MGAM: variants seen among roughly 807,000 people sequenced by gnomAD.
MGAM encodes the protein maltase-glucoamylase.
Under a neutral mutation model 358.8 loss-of-function variants are expected in MGAM, and 253 were observed. The ratio of observed to expected loss-of-function variants is 0.71; its 90% CI spans 0.64 to 0.78. The LOEUF is 0.78. Ranked by LOEUF, MGAM falls within the 30% of genes least tolerant of loss-of-function variation. MGAM has a pLI of 0.00. For synonymous variants in MGAM, 1,105 were observed against 1,227.1 expected (o/e 0.90, Z 2.08); for missense variants, 3,080 against 3,432.6 (o/e 0.90, Z 2.57).
At chr7:142,042,845 C>A (rs1454265590) in intron 21 of MGAM, among the ~76,000 whole-genome samples, 8,339 of 38,318 alleles carry the variant, frequency 0.22, 952 homozygotes, top group Non-Finnish European at 0.3. Flanking sequence ...ATTATATATA[C>A]ATATAATATC....
At chr7:142,020,719 A>C (rs764910477) in intron 4 of MGAM, among the ~76,000 whole-genome samples, 1 of 151,092 alleles carries the variant, frequency 6.6e-6, no homozygotes, top group South Asian at 2.1e-4. Flanking sequence ...CCTGCCTACA[A>C]AGTAGCTGGG....
At chr7:142,034,160 C>G in intron 14 of MGAM, 102 bp from the exon 15 acceptor site, 1 of 765,348 alleles carries the variant, frequency 1.3e-6, no homozygotes, top group African/African-American at 1.8e-5. Flanking sequence ...AGGATGCCCA[C>G]AAAAGTGCCT....
rs117653698 is a variant in MGAM, at chr7:142,085,835, C to T, written c.6510C>T (p.Asp2170=). ...DEMVAAQIPY[D]VQYSDIDYME... ...CAGCTCCCCATGTCCTCCCGCAGGA[C>T]GTGCAGTACTCAGACATCGACTACA... The change falls in exon 55 of 71, where the codon GAC becomes GAT. Residue 2170 remains aspartate, a splice_region_variant and synonymous_variant. Coordinates refer to ENST00000475668, the MANE Select transcript of MGAM (RefSeq NM_001365693.1). 20,670 of 1,538,638 alleles carry T rather than the reference C, an allele frequency of 0.013. 996 individuals carry two copies. The highest frequency in any genetic ancestry group is 0.014 in the Non-Finnish European group (16,035 of 1,116,684).
rs771156854 is a variant in MGAM, at chr7:142,093,486, TC to T, written c.7112del (p.Pro2371ArgfsTer26). ...GAGTCAGCAGATCCTCCCAGACGGC[TC>T]CCCGGTGCAGCACTACAATGTGCAC... is the stretch of plus-strand genomic sequence containing the variant. ...MESQQILPDGSPVQHYNVHNL... is the reference protein window; with the variant it reads ...MESQQILPDGXPVQHYNVHNL... On this transcript the variant is annotated frameshift_variant, in exon 60 of 71. Transcript: ENST00000475668. LOFTEE classifies it high-confidence loss of function. 81 of 1,521,132 alleles carry T rather than the reference TC, an allele frequency of 5.3e-5. 4 individuals carry two copies. In the African/African-American group the frequency reaches 1.0e-3, roughly 20 times the overall value. The allele number at this position is 1,521,132 out of a possible 1,614,324, so 94.2% of individuals were successfully genotyped here.
At chr7:142,043,786 GACATA>G (rs1809472188) in intron 21 of MGAM, among the ~76,000 whole-genome samples, 12 of 73,320 alleles carry the variant, frequency 1.6e-4, no homozygotes, top group South Asian at 4.2e-4. Flanking sequence ...ATACACATAC[GACATA>G]TAATATATAC....
At chr7:142,006,997 C>T (rs1360572612) in intron 2 of MGAM, among the ~76,000 whole-genome samples, 7 of 152,046 alleles carry the variant, frequency 4.6e-5, no homozygotes, top group African/African-American at 1.7e-4. Flanking sequence ...GGGGCATTGT[C>T]CCCATAAACT....
intron 21 of MGAM, among the ~76,000 whole-genome samples, chr7:142,047,103 C>G: frequency 6.6e-6 from 1 of 152,046 alleles, no homozygotes; most frequent in East Asian, 1.9e-4. Flanking sequence ...ACAAGAAGAG[C>G]AGGAAACTGG....
rs1811499663 is a variant in MGAM, at chr7:142,056,099, A to G, written c.3580+3A>G. On this transcript the variant is annotated splice_donor_region_variant and intron_variant, in intron 29 of 70. Transcript: ENST00000475668. Reference sequence around the variant, plus strand: ...CCTGCTGAACAGCAATGCCATGGGTAAGGCCATCAGCACCTCCCTTATTTT... The same window carrying G: ...CCTGCTGAACAGCAATGCCATGGGTGAGGCCATCAGCACCTCCCTTATTTT... The G allele has an allele frequency of 5.0e-6, 8 of 1,599,450 alleles. No homozygotes were observed. Among genetic ancestry groups the G allele is most frequent in the Non-Finnish European group, 6.8e-6 (8 of 1,172,904 alleles).
rs370699389 is a variant in MGAM at position 142,032,943 on chromosome 7, A to G, written c.1669+34A>G. 7.1e-6 allele frequency: 10 copies of G among 1,404,566 alleles called. No homozygotes were observed. The East Asian group carries it at 1.2e-4, about 16-fold the overall frequency. The allele number at this position is 1,404,566 out of a possible 1,614,324, so 87.0% of individuals were successfully genotyped here. ...TGGTGGTCAGCAGATTAAAGTAGCC[A>G]TATGTATTTCATATTATAAATTCAT... is the stretch of plus-strand genomic sequence containing the variant. On this transcript the variant is annotated intron_variant, in intron 14 of 70. Transcript: ENST00000475668.
chr7:142,060,370 G>A lies in MGAM; in HGVS notation c.4119G>A (p.Val1373=). 6.2e-7 allele frequency: 1 copy of A among 1,614,036 alleles called. No individual in the cohort carries two copies. Among genetic ancestry groups the A allele is most frequent in the South Asian group, 1.1e-5 (1 of 91,072 alleles). ...VNGSLDWDSQ[V]ELYRAYVAFP... ...GGTCTCTAGACTGGGACAGCCAAGT[G>A]GAGGTAAAAGGGTGTTTGTAAATTT... The change falls in exon 34 of 71, where the codon GTG becomes GTA. Residue 1373 remains valine, a synonymous_variant. Coordinates refer to ENST00000475668, the MANE Select transcript of MGAM (RefSeq NM_001365693.1).
intron 46 of MGAM, 185 bp from the exon 47 acceptor site, chr7:142,076,474 G>C: frequency 1.2e-6 from 1 of 861,650 alleles, no homozygotes; most frequent in Non-Finnish European, 1.9e-6. Context: ...GTGTTTTTAT[G>C]ATTGTATCAA....
chr7:142,013,231 C>A (rs1160839880), intron 3 of MGAM, among the ~76,000 whole-genome samples: 1 of 151,912 alleles, frequency 6.6e-6, no homozygotes, highest in Non-Finnish European at 1.5e-5. Context: ...TTAGAGGAGT[C>A]AGCACTGGGA....
Position 142,036,852 on chromosome 7 carries a change from C to T in MGAM, c.2106C>T (p.Asp702=). Reference sequence around the variant, plus strand: ...AGGATCCTGCCTCCTTTGGAGCTGACTCCCTGCTGTTGAATTCCTCCAGGC... The same window carrying T: ...AGGATCCTGCCTCCTTTGGAGCTGATTCCCTGCTGTTGAATTCCTCCAGGC... The part of the protein sequence containing the change: ...KDQDPASFGA[D]SLLLNSSRHY... The change falls in exon 18 of 71, where the codon GAC becomes GAT. Residue 702 remains aspartate, a synonymous_variant. Coordinates refer to ENST00000475668, the MANE Select transcript of MGAM (RefSeq NM_001365693.1). 2 of 1,613,638 alleles carry T rather than the reference C, an allele frequency of 1.2e-6. No homozygotes were observed. Among genetic ancestry groups the T allele is most frequent in the Non-Finnish European group, 1.7e-6 (2 of 1,179,626 alleles).
intron 40 of MGAM, among the ~76,000 whole-genome samples, chr7:142,066,049 C>A (rs7458999): frequency 0.081 from 11,584 of 143,678 alleles, 1,516 homozygotes; most frequent in African/African-American, 0.2. Flanking sequence ...CTGCAGCCTC[C>A]ACCTCTGGGG....
chr7:142,041,898 ATATATAT>A (rs1346000669), intron 21 of MGAM, among the ~76,000 whole-genome samples: 1 of 42,592 alleles, frequency 2.3e-5, no homozygotes, highest in Admixed American at 4.4e-4. Flanking sequence ...AATATATAAT[ATATATAT>A]TATATATATA....
Position 142,058,241 on chromosome 7 carries a change from G to A in MGAM, c.3732G>A (p.Leu1244=). Reference sequence around the variant, plus strand: ...CTGTGATGGTACCTTACTGGTCTTTGGGGTTCCAGCTGTGTCGCTATGGCT... The same window carrying A: ...CTGTGATGGTACCTTACTGGTCTTTAGGGTTCCAGCTGTGTCGCTATGGCT... ...GRPVMVPYWS[L]GFQLCRYGYQ... The change falls in exon 31 of 71, where the codon TTG becomes TTA. Residue 1244 remains leucine, a synonymous_variant. Transcript: ENST00000475668. The A allele has an allele frequency of 1.2e-6, 2 of 1,613,880 alleles. No homozygotes were observed. Among genetic ancestry groups the A allele is most frequent in the Non-Finnish European group, 1.7e-6 (2 of 1,179,838 alleles).
At chr7:141,988,815 C>A (rs1207993327) in intron 2 of MGAM, among the ~76,000 whole-genome samples, 1 of 152,202 alleles carries the variant, frequency 6.6e-6, no homozygotes, top group Non-Finnish European at 1.5e-5. Flanking sequence ...AGACATTTCA[C>A]AAGACAAGGA....
At chr7:142,043,880 ACG>A in intron 21 of MGAM, among the ~76,000 whole-genome samples, 1 of 121,184 alleles carries the variant, frequency 8.3e-6, no homozygotes, top group African/African-American at 2.9e-5. Context: ...TACACATACG[ACG>A]TATAATATAT....
intron 9 of MGAM, among the ~76,000 whole-genome samples, 186 bp downstream of exon 9, chr7:142,027,413 A>G (rs1807078324): frequency 6.6e-6 from 1 of 152,234 alleles, no homozygotes; most frequent in Non-Finnish European, 1.5e-5. Context: ...AGAAGGTGAG[A>G]GAATATAAAG....
Sources: allele counts gnomAD v4.1 joint callset (sites outside exome capture counted in the v4.1 genomes callset), GRCh38; gene constraint gnomAD v4.1.1; transcripts MANE v1.5; gene names NCBI Gene and HGNC (gene_info 2026-07-23, HGNC 2026-07-21).